Variants in CSMD1 observed in about 807,000 individuals in gnomAD.
CSMD1 encodes the protein CUB and sushi domain-containing protein 1.
CSMD1 carries 213 observed loss-of-function variants against 417.5 expected under a neutral mutation model. That is an observed-to-expected ratio of 0.51 (90% CI 0.46 to 0.57). The LOEUF (loss-of-function observed/expected upper bound fraction) is 0.57, where lower values mean the gene tolerates loss of function less well. Ranked by LOEUF, CSMD1 falls within the 20% of genes least tolerant of loss-of-function variation. The pLI is 0.00. For missense variants in CSMD1, 6,923 were observed against 4,529.7 expected (o/e 1.53, Z -15.17); for synonymous variants, 2,862 against 1,736.8 (o/e 1.65, Z -16.11).
chr8:4,511,493 T>C (rs533892588), intron 2 of CSMD1, among the ~76,000 whole-genome samples: 121 of 152,338 alleles, frequency 7.9e-4, no homozygotes, highest in Non-Finnish European at 1.4e-3. Flanking sequence ...TGTAAGAAGC[T>C]GGAAGTCACC....
intron 1 of CSMD1, among the ~76,000 whole-genome samples, chr8:4,662,080 T>C (rs1804642756): frequency 6.6e-6 from 1 of 152,110 alleles, no homozygotes; most frequent in African/African-American, 2.4e-5. Flanking sequence ...AAGATAAAAA[T>C]TTGGGACTAG....
chr8:3,868,435 T>C (rs1043483156), intron 5 of CSMD1, among the ~76,000 whole-genome samples: 2 of 152,096 alleles, frequency 1.3e-5, no homozygotes, highest in Admixed American at 6.6e-5. Context: ...GGGGCAGCTG[T>C]AAGCCGATCC....
intron 3 of CSMD1, among the ~76,000 whole-genome samples, chr8:4,256,281 C>T (rs1008134864): frequency 4.6e-5 from 7 of 152,276 alleles, no homozygotes; most frequent in African/African-American, 1.7e-4. Flanking sequence ...TTTCACGATG[C>T]TTATGATGCA....
chr8:4,612,949 G>A (rs1563334396), intron 2 of CSMD1, among the ~76,000 whole-genome samples: 1 of 152,188 alleles, frequency 6.6e-6, no homozygotes, highest in Non-Finnish European at 1.5e-5. Flanking sequence ...AGCTGATGCT[G>A]TGACACAGGG....
At chr8:4,821,768 A>G (rs1015457034) in intron 1 of CSMD1, among the ~76,000 whole-genome samples, 10 of 152,214 alleles carry the variant, frequency 6.6e-5, no homozygotes, top group Non-Finnish European at 1.5e-4. Context: ...TCCTAACACT[A>G]TATTGATGTT....
At chr8:3,852,488 T>C (rs752589112) in intron 5 of CSMD1, among the ~76,000 whole-genome samples, 26 of 152,142 alleles carry the variant, frequency 1.7e-4, no homozygotes, top group Admixed American at 5.9e-4. Flanking sequence ...AGCTGGGATA[T>C]AGAAGATGCT....
intron 10 of CSMD1, among the ~76,000 whole-genome samples, chr8:3,522,689 C>T (rs979334595): frequency 7.2e-5 from 11 of 152,020 alleles, no homozygotes; most frequent in South Asian, 2.1e-4. Flanking sequence ...GTAGATCAGT[C>T]GTCCCGGTAC....
chr8:4,603,755 G>A (rs1800718527), intron 2 of CSMD1, among the ~76,000 whole-genome samples: 1 of 152,134 alleles, frequency 6.6e-6, no homozygotes, highest in South Asian at 2.1e-4. Context: ...AATTTAGGAT[G>A]ATTTTGGTGT....
At chr8:4,750,605 C>G (rs534060082) in intron 1 of CSMD1, among the ~76,000 whole-genome samples, 11 of 152,076 alleles carry the variant, frequency 7.2e-5, no homozygotes, top group African/African-American at 2.4e-4. Context: ...CGTGATCCAG[C>G]AATGAGACTA....
intron 3 of CSMD1, among the ~76,000 whole-genome samples, chr8:4,370,608 T>C (rs1011293063): frequency 6.6e-6 from 1 of 152,226 alleles, no homozygotes; most frequent in African/African-American, 2.4e-5. Context: ...TAATCTCATA[T>C]TTTTGGAAGT....
intron 3 of CSMD1, among the ~76,000 whole-genome samples, chr8:4,119,514 G>C (rs1371823120): frequency 6.6e-6 from 1 of 152,154 alleles, no homozygotes; most frequent in Non-Finnish European, 1.5e-5. Flanking sequence ...GGTATTTGTA[G>C]GTGGGGTGCT....
intron 10 of CSMD1, among the ~76,000 whole-genome samples, chr8:3,558,652 C>T (rs1336120071): frequency 6.6e-6 from 1 of 150,420 alleles, no homozygotes; most frequent in Non-Finnish European, 1.5e-5. Flanking sequence ...CCCGTGTCCA[C>T]TCCTCCAATG....
intron 25 of CSMD1, among the ~76,000 whole-genome samples, chr8:3,284,809 G>T (rs905697510): frequency 1.1e-4 from 17 of 152,142 alleles, no homozygotes; most frequent in African/African-American, 1.2e-4. Context: ...ACTCCATTAC[G>T]ACCTTTTCTA....
intron 5 of CSMD1, among the ~76,000 whole-genome samples, chr8:3,985,442 C>A (rs1180619492): frequency 2.0e-5 from 3 of 152,074 alleles, no homozygotes; most frequent in Non-Finnish European, 4.4e-5. Flanking sequence ...CACAAACACA[C>A]CTGGGCGTGC....
At chr8:4,034,634 C>A (rs530034267) in intron 3 of CSMD1, among the ~76,000 whole-genome samples, 2 of 152,180 alleles carry the variant, frequency 1.3e-5, no homozygotes, top group South Asian at 2.1e-4. Flanking sequence ...GTCAAAGACA[C>A]ACGTTGTATA....
At chr8:3,255,562 C>T (rs889585582) in intron 26 of CSMD1, among the ~76,000 whole-genome samples, 1 of 152,218 alleles carries the variant, frequency 6.6e-6, no homozygotes, top group African/African-American at 2.4e-5. Context: ...CAAGCCTGTG[C>T]AATGGTGGAC....
intron 3 of CSMD1, among the ~76,000 whole-genome samples, chr8:4,325,514 A>T (rs1995536): frequency 6.6e-6 from 1 of 152,036 alleles, no homozygotes; most frequent in African/African-American, 2.4e-5. Flanking sequence ...ATTTTTGCAT[A>T]CTCACTTTGC....
At chr8:4,933,944 G>A (rs1324596714) in intron 1 of CSMD1, among the ~76,000 whole-genome samples, 1 of 151,896 alleles carries the variant, frequency 6.6e-6, no homozygotes, top group Non-Finnish European at 1.5e-5. Context: ...GAATCACAAT[G>A]TATTCATCTT....
At chr8:4,928,698 T>C (rs1016535592) in intron 1 of CSMD1, among the ~76,000 whole-genome samples, 1 of 152,140 alleles carries the variant, frequency 6.6e-6, no homozygotes, top group African/African-American at 2.4e-5. Context: ...CACCCTAGAA[T>C]TCATACACTG....
Sources: gnomAD v4.1 joint callset for allele counts (sites outside exome capture counted in the v4.1 genomes callset) on GRCh38, gnomAD v4.1.1 for gene constraint, MANE v1.5 for transcripts, NCBI Gene and HGNC (gene_info 2026-07-23, HGNC 2026-07-21) for gene names.